ABCC8: variants seen among roughly 807,000 people sequenced by gnomAD.
ABCC8 encodes the protein ATP-binding cassette sub-family C member 8.
Under a neutral mutation model 188.0 loss-of-function variants are expected in ABCC8, and 137 were observed. That is an observed-to-expected ratio of 0.73 (90% CI 0.63 to 0.84). The LOEUF is 0.84. Ranked by LOEUF, ABCC8 falls within the 40% of genes least tolerant of loss-of-function variation. ABCC8 has a pLI of 0.00. For missense variants in ABCC8, 1,750 were observed against 2,072.7 expected, an observed-to-expected ratio of 0.84 and a Z score of 3.02; for synonymous variants, 797 against 846.5, an observed-to-expected ratio of 0.94 and a Z score of 1.01.
intron 29 of ABCC8, among the ~76,000 whole-genome samples, chr11:17,401,042 T>G (rs1386977477): frequency 6.6e-6 from 1 of 152,252 alleles, no homozygotes; most frequent in African/African-American, 2.4e-5. Context: ...TGGCTCTGGC[T>G]GACCACAGGT....
Position 17,442,885 on chromosome 11 carries a change from G to T in ABCC8, c.1468-3C>A. The T allele has an allele frequency of 6.2e-7, 1 of 1,611,894 alleles. No individual in the cohort carries two copies. The highest frequency in any genetic ancestry group is 8.5e-7 in the Non-Finnish European group (1 of 1,180,008). ...TTCAGCCGCTCATTGGAATACTCCT[G>T]CAGGGGTCCCCGAGTCAGAGGGGAG... On this transcript the variant is annotated splice_region_variant and splice_polypyrimidine_tract_variant and intron_variant, in intron 9 of 38. Transcript: ENST00000389817.
At chr11:17,469,990 A>G (rs1356561399) in intron 3 of ABCC8, 111 bp downstream of exon 3, 2 of 1,410,060 alleles carry the variant, frequency 1.4e-6, no homozygotes, top group East Asian at 2.3e-5. Flanking sequence ...TTCTTTTTCT[A>G]TTCCAAATCT....
At chr11:17,430,726 C>T (rs1306745195) in intron 12 of ABCC8, 88 bp downstream of exon 12, 3 of 1,455,018 alleles carry the variant, frequency 2.1e-6, no homozygotes, top group Admixed American at 1.7e-5. Context: ...CGGGACCAAA[C>T]AGCTGTGGTT....
In ABCC8 at chr11:17,397,263, G is replaced by C. The variant is rs372186045; in HGVS notation, c.3918C>G (p.Leu1306=). ...GGATGCGCTTCACAGCCCCCAGCTG[G>C]AGCTCCATGTCTGCCAGGTTCCTCA... ...WMVRNLADME[L]QLGAVKRIHG... is the part of the protein sequence containing the mutation. Residue 1306 remains leucine, a synonymous_variant, in exon 32 of 39, where the codon CTC becomes CTG. Transcript: ENST00000389817. The C allele has an allele frequency of 4.0e-5, 65 of 1,613,396 alleles. No individual in the cohort carries two copies. The East Asian group carries it at 1.1e-3, about 27-fold the overall frequency.
At chr11:17,439,010 T>C (rs1956212002) in intron 10 of ABCC8, among the ~76,000 whole-genome samples, 1 of 152,236 alleles carries the variant, frequency 6.6e-6, no homozygotes, top group Admixed American at 6.5e-5. Flanking sequence ...TCTGTGCATG[T>C]TAGCTCTGAC....
chr11:17,432,162 C>T, intron 11 of ABCC8, 42 bp downstream of exon 11: 1 of 1,551,566 alleles, frequency 6.4e-7, no homozygotes, highest in Non-Finnish European at 8.7e-7. Flanking sequence ...ACGCCCTCCC[C>T]CTCCACCCTA....
At chr11:17,475,185 C>T (rs1345816642) in intron 1 of ABCC8, 158 bp from the exon 2 acceptor site, 4 of 581,938 alleles carry the variant, frequency 6.9e-6, no homozygotes. Flanking sequence ...AAACGTCCAA[C>T]TCATTCAGCC....
At position 17,404,788 on chromosome 11, in the gene ABCC8, G is replaced by C; in HGVS notation, c.3400-119C>G. 1.4e-6 allele frequency: 2 copies of C among 1,432,920 alleles called. No individual in the cohort carries two copies. The highest frequency in any genetic ancestry group is 1.9e-6 in the Non-Finnish European group (2 of 1,052,110). The allele number at this position is 1,432,920 out of a possible 1,614,324, so 88.8% of individuals were successfully genotyped here. ...TTTGATCCTTTATTTTTTTGAGACT[G>C]AGTCTCACTGTTGCCCAGACTTGAG... On this transcript the variant is annotated intron_variant, in intron 27 of 38. Coordinates refer to ENST00000389817, the MANE Select transcript of ABCC8 (RefSeq NM_000352.6). This position sits in a 1 kb window ranked among gnomAD's most constrained non-coding sequence, Gnocchi z 4.7.
intron 22 of ABCC8, among the ~76,000 whole-genome samples, chr11:17,409,480 C>A (rs1337824375): frequency 6.6e-6 from 1 of 152,174 alleles, no homozygotes; most frequent in African/African-American, 2.4e-5. Flanking sequence ...AACTCAGAAA[C>A]AAACCTTCTG....
intron 12 of ABCC8, chr11:17,429,066 T>A: frequency 3.9e-6 from 1 of 254,820 alleles, no homozygotes; most frequent in South Asian, 5.5e-5. Flanking sequence ...AGACACTGTG[T>A]TAACTGTTTT....
Position 17,394,334 on chromosome 11 carries a change from G to A in ABCC8, c.4477C>T (p.Arg1493Trp), listed in dbSNP as rs28936371. Residue 1493 changes from arginine to tryptophan, a missense_variant, in exon 37 of 39, where the codon CGG becomes TGG. By Grantham distance (101) the Arg-to-Trp change is moderately radical. Transcript: ENST00000389817. ...QGQRQLFCLA[R>W]AFVRKTSIFI... ...ATGCTGGTCTTCCTCACGAAGGCCC[G>A]GGCCAGGCAGAACAGCTGCCTCTGT... The A allele has an allele frequency of 6.2e-6, 10 of 1,613,948 alleles. No homozygotes were observed. The highest frequency in any genetic ancestry group is 2.2e-5 in the South Asian group (2 of 91,090).
At chr11:17,458,135 A>G (rs1008773487) in intron 6 of ABCC8, among the ~76,000 whole-genome samples, 1 of 152,178 alleles carries the variant, frequency 6.6e-6, no homozygotes, top group African/African-American at 2.4e-5. Context: ...TGTTGCGGAC[A>G]CTGGAGACTA....
In ABCC8 at chr11:17,476,766, G is replaced by A. The variant is rs2133738359; in HGVS notation, c.11C>T (p.Ala4Val). Reference protein sequence around the residue: MPLAFCGSENHSAA... With the variant: MPLVFCGSENHSAA... The stretch of plus-strand genomic sequence containing the variant: ...CGAGTGGTTCTCGCTGCCGCAGAAG[G>A]CCAGGGGCATGGCGGCGCGGGCGCG... Residue 4 changes from alanine to valine, a missense_variant, in exon 1 of 39, where the codon GCC (alanine) becomes GTC (valine). Coordinates refer to ENST00000389817, the MANE Select transcript of ABCC8 (RefSeq NM_000352.6). 8 of 1,578,486 alleles carry A rather than the reference G, an allele frequency of 5.1e-6. No homozygotes were observed. Among genetic ancestry groups the A allele is most frequent in the Non-Finnish European group, 6.9e-6 (8 of 1,162,578 alleles).
chr11:17,461,709 C>T lies in ABCC8; in HGVS notation c.696G>A (p.Trp232Ter), dbSNP rs2133679771. The T allele has an allele frequency of 1.2e-6, 2 of 1,614,198 alleles. No individual in the cohort carries two copies. The highest frequency in any genetic ancestry group is 1.7e-6 in the Non-Finnish European group (2 of 1,180,042). Reference protein sequence around the residue: ...VNLLSKGTYWWMNAFIKTAHK... With the variant: ...VNLLSKGTYW ...GGGCAGTCTTGATGAAGGCGTTCAT[C>T]CACCAGTAGGTGCCTTTGGACAGCA... is the stretch of plus-strand genomic sequence containing the variant. Residue 232 changes from tryptophan (W) to a stop codon, truncating the protein, a stop_gained, in exon 5 of 39, where the codon TGG (tryptophan) becomes TGA (stop). Transcript: ENST00000389817. LOFTEE classifies it high-confidence loss of function.
rs567902656 is a variant in ABCC8 at position 17,457,541 on chromosome 11, C to A, written c.1011+2947G>T. 7.2e-5 allele frequency among the ~76,000 whole-genome samples: 11 copies of A among 152,292 alleles called. No homozygotes were observed. In the South Asian group the frequency reaches 1.9e-3, roughly 26 times the overall value. On this transcript the variant is annotated intron_variant, in intron 6 of 38. Coordinates refer to ENST00000389817, the MANE Select transcript of ABCC8 (RefSeq NM_000352.6). ...CCAGCAGCTCATTATGAATCTAATT[C>A]TCTTGTCCTTCAGCCAGATCAGTGG...
At chr11:17,441,486 CTGAG>C (rs1171281775) in intron 10 of ABCC8, among the ~76,000 whole-genome samples, 6 of 152,186 alleles carry the variant, frequency 3.9e-5, no homozygotes, top group African/African-American at 1.4e-4. Flanking sequence ...AACCTGTGCA[CTGAG>C]TAAGTTTTGG....
chr11:17,416,754 CA>C (rs1253931765), intron 17 of ABCC8, among the ~76,000 whole-genome samples, 175 bp downstream of exon 17: 11 of 152,298 alleles, frequency 7.2e-5, no homozygotes, highest in Non-Finnish European at 1.0e-4. Flanking sequence ...TTTCTGTCCC[CA>C]AGAACCAAAT....
intron 16 of ABCC8, among the ~76,000 whole-genome samples, chr11:17,425,665 T>G (rs1242178350): frequency 6.6e-6 from 1 of 152,212 alleles, no homozygotes; most frequent in African/African-American, 2.4e-5. Context: ...TTCTTACCTT[T>G]TTAAAGGGTT....
chr11:17,397,348 G>A, intron 31 of ABCC8, 35 bp from the exon 32 acceptor site: 1 of 1,605,126 alleles, frequency 6.2e-7, no homozygotes, highest in Non-Finnish European at 8.5e-7. Context: ...ACACTCCATG[G>A]TCGCTTAGTT....
Sources: gnomAD v4.1 joint callset for allele counts (sites outside exome capture counted in the v4.1 genomes callset) on GRCh38, gnomAD v4.1.1 for gene constraint, Gnocchi (gnomAD v3.1) non-coding constraint, MANE v1.5 for transcripts, NCBI Gene and HGNC (gene_info 2026-07-23, HGNC 2026-07-21) for gene names.